Variants in RCOR1 observed in about 807,000 individuals in gnomAD.
The protein encoded by RCOR1 is REST corepressor.
A neutral mutation model predicts 64.0 loss-of-function variants in RCOR1; 12 were observed. The observed-to-expected ratio is 0.19, with a 90% CI of 0.12 to 0.30. The LOEUF (loss-of-function observed/expected upper bound fraction) is 0.30. RCOR1 is among the 10% of genes least tolerant of loss of function. The probability of loss-of-function intolerance (pLI) is 1.00; values close to 1 mark genes in which losing one functional copy is unlikely to be tolerated. For missense variants in RCOR1, 502 were observed against 621.2 expected (o/e 0.81, Z 2.04); for synonymous variants, 279 against 227.2 (o/e 1.23, Z -2.05).
chr14:102,606,287 C>G (rs569152106), intron 2 of RCOR1, among the ~76,000 whole-genome samples: 1 of 152,132 alleles, frequency 6.6e-6, no homozygotes, highest in Non-Finnish European at 1.5e-5. Context: ...GTCTTGAACT[C>G]CTGACCTCAG....
At chr14:102,602,420 G>A (rs1311155580) in intron 2 of RCOR1, among the ~76,000 whole-genome samples, 1 of 95,370 alleles carries the variant, frequency 1.0e-5, no homozygotes, top group African/African-American at 4.2e-5. Context: ...TTTTGGAGAT[G>A]GAGTTTCGCT....
chr14:102,710,885 C>A, intron 6 of RCOR1, 50 bp from the exon 7 acceptor site: 1 of 1,324,392 alleles, frequency 7.6e-7, no homozygotes, highest in Non-Finnish European at 1.1e-6. Flanking sequence ...CGTTTGTATT[C>A]GGAAAATTAG....
chr14:102,679,308 T>A lies in RCOR1; in HGVS notation c.362-2587T>A, dbSNP rs185675702. Among the ~76,000 whole-genome samples, 66 of 152,172 alleles carry A rather than the reference T, an allele frequency of 4.3e-4. No homozygotes were observed. In the East Asian group the frequency reaches 9.3e-3, roughly 21 times the overall value. ...TTTTGAGGTATGGATCCAAATTTTT[T>A]TAAAAAAATGTTTGTTTTGTTTTTG... On this transcript the variant is annotated intron_variant, in intron 2 of 11. Transcript: ENST00000262241.
At chr14:102,661,113 G>A (rs950356592) in intron 2 of RCOR1, among the ~76,000 whole-genome samples, 5 of 152,162 alleles carry the variant, frequency 3.3e-5, no homozygotes, top group African/African-American at 1.2e-4. Flanking sequence ...GTGGGAAGCT[G>A]AGGCAGGTGG....
At chr14:102,683,487 C>T (rs1595228839) in intron 3 of RCOR1, among the ~76,000 whole-genome samples, 1 of 152,228 alleles carries the variant, frequency 6.6e-6, no homozygotes, top group Non-Finnish European at 1.5e-5. Context: ...GCCAGAGCAG[C>T]GCCAGCGTGG....
Position 102,653,963 on chromosome 14 carries a change from CTTTCTTTCTTTCTTTCTTTCT to C in RCOR1, c.362-27928_362-27908del, listed in dbSNP as rs1595214093. Among the ~76,000 whole-genome samples the C allele has an allele frequency of 9.2e-5, 4 of 43,712 alleles. 1 individual carries two copies. Among genetic ancestry groups the C allele is most frequent in the Non-Finnish European group, 1.7e-4 (4 of 23,692 alleles). The allele number at this position is 43,712 out of a possible 152,430, so 28.7% of individuals were successfully genotyped here. The stretch of plus-strand genomic sequence containing the variant: ...TCTTTCTTTCTTTCTTTCTTTCTTT[CTTTCTTTCTTTCTTTCTTTCT>C]TTTTTTTTTTTTTTTTTTTGAGACG... On this transcript the variant is annotated intron_variant, in intron 2 of 11. Transcript: ENST00000262241.
intron 4 of RCOR1, 43 bp from the exon 5 acceptor site, chr14:102,707,308 G>GTT: frequency 7.0e-7 from 1 of 1,435,108 alleles, no homozygotes; most frequent in South Asian, 1.3e-5. Flanking sequence ...CATTTTCATT[G>GTT]TTTTTTGTTT....
intron 2 of RCOR1, among the ~76,000 whole-genome samples, chr14:102,598,479 G>C (rs558951247): frequency 2.9e-5 from 4 of 135,598 alleles, no homozygotes; most frequent in African/African-American, 1.1e-4. Context: ...ACGGTGTCTC[G>C]CTCTGTTGTC....
chr14:102,697,103 A>G (rs575288589), intron 3 of RCOR1, among the ~76,000 whole-genome samples: 53 of 152,334 alleles, frequency 3.5e-4, no homozygotes, highest in Middle Eastern at 3.4e-3. Context: ...ATACAGTAAG[A>G]GACAAGGTCT....
intron 11 of RCOR1, 46 bp from the exon 12 acceptor site, chr14:102,726,422 A>ACCTACTCT (rs1223622940): frequency 7.1e-7 from 1 of 1,415,246 alleles, no homozygotes; most frequent in African/African-American, 1.6e-5. Flanking sequence ...TGTGTTGTTT[A>ACCTACTCT]CCTACTCTTT....
intron 2 of RCOR1, among the ~76,000 whole-genome samples, chr14:102,625,055 T>A (rs1274443285): frequency 6.6e-6 from 1 of 151,788 alleles, no homozygotes; most frequent in Non-Finnish European, 1.5e-5. Context: ...AAATTATTTT[T>A]GTAGAGATAA....
intron 8 of RCOR1, among the ~76,000 whole-genome samples, chr14:102,719,088 G>A (rs1896124631): frequency 6.6e-6 from 1 of 152,026 alleles, no homozygotes; most frequent in Admixed American, 6.6e-5. Flanking sequence ...CACTGCACTA[G>A]CATAATTTTT....
chr14:102,677,342 C>A (rs1247779993), intron 2 of RCOR1, among the ~76,000 whole-genome samples: 3 of 139,764 alleles, frequency 2.1e-5, no homozygotes, highest in Admixed American at 6.8e-5. Flanking sequence ...GGGGCTGACC[C>A]CCCCCCCACC....
In RCOR1 at chr14:102,729,625, T is replaced by C; in HGVS notation, c.*3119T>C. On this transcript the variant is annotated 3_prime_UTR_variant, in exon 12 of 12. Coordinates refer to ENST00000262241, the MANE Select transcript of RCOR1 (RefSeq NM_015156.4). The stretch of plus-strand genomic sequence containing the variant: ...GTAACAGCTTACTGGGGTGGACTCA[T>C]AAAACAGTGGCTTTCTGTTCATCTA... 1 of 382,670 alleles carries C rather than the reference T, an allele frequency of 2.6e-6. No individual in the cohort carries two copies. The highest frequency in any genetic ancestry group is 4.6e-6 in the Non-Finnish European group (1 of 216,136). The allele number at this position is 382,670 out of a possible 1,614,324, so 23.7% of individuals were successfully genotyped here.
At position 102,715,228 on chromosome 14, in the gene RCOR1, C is replaced by A. The variant is rs113706989; in HGVS notation, c.1053+611C>A. Among the ~76,000 whole-genome samples the A allele has an allele frequency of 6.7e-3, 1,015 of 151,982 alleles. 13 individuals carry two copies. The highest frequency in any genetic ancestry group is 0.024 in the African/African-American group (982 of 41,438). The stretch of plus-strand genomic sequence containing the variant: ...GGACTACAGGCACCCACCACCACGC[C>A]CAGCTAATTGTTTTTTGTATGTTTA... On this transcript the variant is annotated intron_variant, in intron 8 of 11. Transcript: ENST00000262241.
chr14:102,671,623 G>A (rs1024465424), intron 2 of RCOR1, among the ~76,000 whole-genome samples: 1 of 152,082 alleles, frequency 6.6e-6, no homozygotes, highest in South Asian at 2.1e-4. Flanking sequence ...TTGAACTTCT[G>A]GCCTCAGCTG....
Position 102,635,486 on chromosome 14 carries a change from A to T in RCOR1, c.361+42161A>T, listed in dbSNP as rs989065162. ...TCCACTGCACTCCAGTCTGGGTGAC[A>T]GAGTGAGACTTTGTCTCAAAAAAGA... On this transcript the variant is annotated intron_variant, in intron 2 of 11. Coordinates refer to ENST00000262241, the MANE Select transcript of RCOR1 (RefSeq NM_015156.4). Among the ~76,000 whole-genome samples, 5 of 152,302 alleles carry T rather than the reference A, an allele frequency of 3.3e-5. No individual in the cohort carries two copies. In the East Asian group the frequency reaches 9.7e-4, roughly 29 times the overall value.
At chr14:102,671,566 T>C (rs898505908) in intron 2 of RCOR1, among the ~76,000 whole-genome samples, 2 of 152,124 alleles carry the variant, frequency 1.3e-5, no homozygotes, top group Admixed American at 1.3e-4. Context: ...TGGCTAACTT[T>C]TAAAAACTTT....
At position 102,726,507 on chromosome 14, in the gene RCOR1, G is replaced by GA. The variant is rs753773375; in HGVS notation, c.*4dup. 1 of 1,603,354 alleles carries GA rather than the reference G, an allele frequency of 6.2e-7. No homozygotes were observed. Among genetic ancestry groups the GA allele is most frequent in the Non-Finnish European group, 8.5e-7 (1 of 1,177,754 alleles). ...TGTCAGATATGCATCTGCCTCCTGAGAAACTGGTGGCTTTGAACACTTGGT... is the reference window on the plus strand; with the variant it reads ...TGTCAGATATGCATCTGCCTCCTGAGAAAACTGGTGGCTTTGAACACTTGGT... On this transcript the variant is annotated 3_prime_UTR_variant, in exon 12 of 12. Transcript: ENST00000262241.
Sources: gnomAD v4.1 joint callset for allele counts (sites outside exome capture counted in the v4.1 genomes callset) on GRCh38, gnomAD v4.1.1 for gene constraint, MANE v1.5 for transcripts, NCBI Gene and HGNC (gene_info 2026-07-23, HGNC 2026-07-21) for gene names.